Variants in KIRREL3 observed in about 807,000 individuals in gnomAD.
KIRREL3 encodes kirre like nephrin family adhesion molecule 3.
Under a neutral mutation model 89.7 loss-of-function variants are expected in KIRREL3, and 36 were observed. That is an observed-to-expected ratio of 0.40 (90% CI 0.31 to 0.53). The LOEUF is 0.53. KIRREL3 is among the 20% of genes least tolerant of loss of function. The pLI is 0.49. For synonymous variants in KIRREL3, 445 were observed against 441.4 expected, an observed-to-expected ratio of 1.01 and a Z score of -0.10; for missense variants, 864 against 1,056.6, an observed-to-expected ratio of 0.82 and a Z score of 2.53.
chr11:126,559,997 A>G (rs935157233), intron 2 of KIRREL3, among the ~76,000 whole-genome samples: 3 of 152,054 alleles, frequency 2.0e-5, no homozygotes, highest in Non-Finnish European at 4.4e-5. Context: ...TCTTATTTTT[A>G]TAGCTCCAGT....
In KIRREL3 at chr11:126,955,220, A is replaced by G. The variant is rs1160554359; in HGVS notation, c.55+45235T>C. ...TGGTAATGAAGGAGATGGCAAAGTG[A>G]AAAGCAAGTTGCTTTAACCCTGAAA... is the stretch of plus-strand genomic sequence containing the variant. On this transcript the variant is annotated intron_variant, in intron 1 of 16. Transcript: ENST00000525144. This position sits in a 1 kb window ranked among gnomAD's most constrained non-coding sequence, Gnocchi z 4.6. Among the ~76,000 whole-genome samples the G allele has an allele frequency of 1.3e-5, 2 of 152,224 alleles. No individual in the cohort carries two copies. Among genetic ancestry groups the G allele is most frequent in the Non-Finnish European group, 2.9e-5 (2 of 68,042 alleles).
At position 126,805,663 on chromosome 11, in the gene KIRREL3, G is replaced by A. The variant is rs1160871403; in HGVS notation, c.55+194792C>T. On this transcript the variant is annotated intron_variant, in intron 1 of 16. Transcript: ENST00000525144. This position sits in a 1 kb window ranked among gnomAD's most constrained non-coding sequence, Gnocchi z 4.3. The stretch of plus-strand genomic sequence containing the variant: ...TGATTGCTAAACTCCACAGTACAAA[G>A]TATGTAATAGATATTACGTTTTTAT... Among the ~76,000 whole-genome samples the A allele has an allele frequency of 2.0e-5, 3 of 152,254 alleles. No individual in the cohort carries two copies. Among genetic ancestry groups the A allele is most frequent in the Non-Finnish European group, 1.5e-5 (1 of 68,024 alleles).
chr11:126,718,354 GAACCC>G (rs1489405212), intron 1 of KIRREL3, among the ~76,000 whole-genome samples: 2 of 151,172 alleles, frequency 1.3e-5, no homozygotes, highest in East Asian at 3.9e-4. Context: ...GCAAGTTGCG[GAACCC>G]AACTCCAAGA....
intron 4 of KIRREL3, among the ~76,000 whole-genome samples, chr11:126,503,059 TC>T (rs1423176623): frequency 3.9e-5 from 6 of 152,190 alleles, no homozygotes; most frequent in Non-Finnish European, 2.9e-5. Flanking sequence ...TTCACCTGCC[TC>T]CCCTTGATTA....
chr11:126,719,619 G>T lies in KIRREL3; in HGVS notation c.56-156707C>A, dbSNP rs1236967100. ...CTTCACCACACAGCCCCTCCCGCTA[G>T]ATCCTGTCAAAATCATCCCTATCTC... is the stretch of plus-strand genomic sequence containing the variant. On this transcript the variant is annotated intron_variant, in intron 1 of 16. Coordinates refer to ENST00000525144, the MANE Select transcript of KIRREL3 (RefSeq NM_032531.4). The surrounding 1 kb of genome is among the most constrained non-coding windows in gnomAD (Gnocchi z 4.7). Among the ~76,000 whole-genome samples, 1 of 152,154 alleles carries T rather than the reference G, an allele frequency of 6.6e-6. No homozygotes were observed. Among genetic ancestry groups the T allele is most frequent in the Non-Finnish European group, 1.5e-5 (1 of 68,016 alleles).
chr11:126,469,161 A>G (rs1956812912), intron 5 of KIRREL3, among the ~76,000 whole-genome samples: 1 of 152,242 alleles, frequency 6.6e-6, no homozygotes, highest in African/African-American at 2.4e-5. Flanking sequence ...GAGGTCACGC[A>G]GCTGGAAGGT....
Position 126,719,577 on chromosome 11 carries a change from C to T in KIRREL3, c.56-156665G>A, listed in dbSNP as rs1361900452. Among the ~76,000 whole-genome samples the T allele has an allele frequency of 6.6e-6, 1 of 152,158 alleles. No homozygotes were observed. The highest frequency in any genetic ancestry group is 2.4e-5 in the African/African-American group (1 of 41,420). ...CTTAGGTTTCTAAAATGTAACTCAT[C>T]CACAGCCAACTCCTGCCTTCACCAC... is the stretch of plus-strand genomic sequence containing the variant. On this transcript the variant is annotated intron_variant, in intron 1 of 16. Coordinates refer to ENST00000525144, the MANE Select transcript of KIRREL3 (RefSeq NM_032531.4). This position sits in a 1 kb window ranked among gnomAD's most constrained non-coding sequence, Gnocchi z 4.7.
At chr11:126,915,648 T>C (rs1471097342) in intron 1 of KIRREL3, among the ~76,000 whole-genome samples, 1 of 152,214 alleles carries the variant, frequency 6.6e-6, no homozygotes, top group Non-Finnish European at 1.5e-5. Flanking sequence ...AGCACTAAAG[T>C]ACCACTCATC....
In KIRREL3 at chr11:126,677,525, G is replaced by A. The variant is rs1337191655; in HGVS notation, c.56-114613C>T. Among the ~76,000 whole-genome samples the A allele has an allele frequency of 6.6e-6, 1 of 152,162 alleles. No homozygotes were observed. The highest frequency in any genetic ancestry group is 2.4e-5 in the African/African-American group (1 of 41,430). ...TTAGTTGAGAGTGCTGAGGTTCGGA[G>A]GTGAAATGACTTGTCAGAGGCCCCA... On this transcript the variant is annotated intron_variant, in intron 1 of 16. Coordinates refer to ENST00000525144, the MANE Select transcript of KIRREL3 (RefSeq NM_032531.4). The surrounding 1 kb of genome is among the most constrained non-coding windows in gnomAD (Gnocchi z 5.1).
At chr11:126,632,151 A>G (rs1944053167) in intron 1 of KIRREL3, among the ~76,000 whole-genome samples, 1 of 152,272 alleles carries the variant, frequency 6.6e-6, no homozygotes, top group African/African-American at 2.4e-5. Context: ...ATAAGTTCCC[A>G]GGTCAGGTTG....
intron 1 of KIRREL3, among the ~76,000 whole-genome samples, chr11:126,567,401 T>A (rs1387256355): frequency 6.6e-6 from 1 of 152,220 alleles, no homozygotes; most frequent in Non-Finnish European, 1.5e-5. Flanking sequence ...CCAACTCTAC[T>A]GACTTTGGAC....
At chr11:126,968,035 C>G (rs963206910) in intron 1 of KIRREL3, among the ~76,000 whole-genome samples, 1 of 152,168 alleles carries the variant, frequency 6.6e-6, no homozygotes, top group African/African-American at 2.4e-5. Flanking sequence ...CTTGCTTCCC[C>G]CAAAGAAACT....
rs1347149865 is a variant in KIRREL3, at chr11:126,562,839, A to T, written c.129T>A (p.Asn43Lys). The change falls in exon 2 of 17, where the codon AAT (asparagine) becomes AAA (lysine). Residue 43 changes from asparagine to lysine, a missense_variant. By Grantham distance (94) the Asn-to-Lys change is moderately conservative (BLOSUM62 0). Coordinates refer to ENST00000525144, the MANE Select transcript of KIRREL3 (RefSeq NM_032531.4). The surrounding 1 kb of genome is among the most constrained non-coding windows in gnomAD (Gnocchi z 4.7). The stretch of plus-strand genomic sequence containing the variant: ...AATGGGGAGGTTCTCACTGACCTTC[A>T]TTCATTCTCCGAAACTTGTCCTTGG... ...YMAKDKFRRM[N>K]EGQVYSFSQQ... 1 of 1,613,332 alleles carries T rather than the reference A, an allele frequency of 6.2e-7. No homozygotes were observed. Among genetic ancestry groups the T allele is most frequent in the South Asian group, 1.1e-5 (1 of 91,034 alleles).
At position 126,440,504 on chromosome 11, in the gene KIRREL3, C is replaced by A. The variant is rs1206247813; in HGVS notation, c.1298G>T (p.Gly433Val). ...SSTQTQHALH[G>V]EKGQIKCFIR... ...GAAGCACTTGATCTGGCCCTTCTCG[C>A]CGTGGAGGGCGTGCTGGGTCTGGGT... The change falls in exon 11 of 17, where the codon GGC becomes GTC. Residue 433 changes from glycine (G) to valine (V), a missense_variant. Coordinates refer to ENST00000525144, the MANE Select transcript of KIRREL3 (RefSeq NM_032531.4). The A allele has an allele frequency of 6.2e-7, 1 of 1,601,936 alleles. No homozygotes were observed. Among genetic ancestry groups the A allele is most frequent in the Non-Finnish European group, 8.5e-7 (1 of 1,174,800 alleles).
In KIRREL3 at chr11:126,655,861, C is replaced by T. The variant is rs186012709; in HGVS notation, c.56-92949G>A. ...CAGGGCAGCAACAGTCAGTTCTTGT[C>T]TGGCTTTCCAGGACAACGTGACTTT... On this transcript the variant is annotated intron_variant, in intron 1 of 16. Transcript: ENST00000525144. This position sits in a 1 kb window ranked among gnomAD's most constrained non-coding sequence, Gnocchi z 5.0. Among the ~76,000 whole-genome samples, 88 of 152,226 alleles carry T rather than the reference C, an allele frequency of 5.8e-4. No homozygotes were observed. Among genetic ancestry groups the T allele is most frequent in the Non-Finnish European group, 2.1e-4 (14 of 68,018 alleles).
chr11:126,429,217 G>T lies in KIRREL3; in HGVS notation c.1768C>A (p.Arg590=). 1 of 1,613,840 alleles carries T rather than the reference G, an allele frequency of 6.2e-7. No individual in the cohort carries two copies. Among genetic ancestry groups the T allele is most frequent in the South Asian group, 1.1e-5 (1 of 91,052 alleles). ...ATGGTGGAGTGCTCCTCACCCTCCCGACCAGAGGCTGGTTCCTTGTGGACA... is the reference window on the plus strand; with the variant it reads ...ATGGTGGAGTGCTCCTCACCCTCCCTACCAGAGGCTGGTTCCTTGTGGACA... The part of the protein sequence containing the change: ...EIVHKEPASG[R]EGEEHSTIKQ... The change falls in exon 15 of 17, where the codon CGG becomes AGG. Residue 590 remains arginine, a synonymous_variant. Coordinates refer to ENST00000525144, the MANE Select transcript of KIRREL3 (RefSeq NM_032531.4). This position sits in a 1 kb window ranked among gnomAD's most constrained non-coding sequence, Gnocchi z 5.2.
At chr11:126,988,448 A>G (rs1949934063) in intron 1 of KIRREL3, 1 of 152,778 alleles carries the variant, frequency 6.5e-6, no homozygotes, top group African/African-American at 2.4e-5. Flanking sequence ...TGGCTTGCTG[A>G]TGGTCACACG....
chr11:126,582,872 CT>C (rs1941631272), intron 1 of KIRREL3, among the ~76,000 whole-genome samples: 1 of 152,188 alleles, frequency 6.6e-6, no homozygotes, highest in Admixed American at 6.5e-5. Context: ...AAGTATTATC[CT>C]TAATTATCTG....
At position 126,611,792 on chromosome 11, in the gene KIRREL3, G is replaced by A. The variant is rs1943141261; in HGVS notation, c.56-48880C>T. Among the ~76,000 whole-genome samples the A allele has an allele frequency of 6.6e-6, 1 of 152,188 alleles. No homozygotes were observed. Among genetic ancestry groups the A allele is most frequent in the African/African-American group, 2.4e-5 (1 of 41,440 alleles). On this transcript the variant is annotated intron_variant, in intron 1 of 16. Coordinates refer to ENST00000525144, the MANE Select transcript of KIRREL3 (RefSeq NM_032531.4). The surrounding 1 kb of genome is among the most constrained non-coding windows in gnomAD (Gnocchi z 4.7). ...CCTCTGTGATCCACAGCCCCGCCAG[G>A]CTGATGCTTCAGGAATGGATCACAC...
Sources: gnomAD v4.1 joint callset for allele counts (sites outside exome capture counted in the v4.1 genomes callset) on GRCh38, gnomAD v4.1.1 for gene constraint, Gnocchi (gnomAD v3.1) non-coding constraint, MANE v1.5 for transcripts, NCBI Gene and HGNC (gene_info 2026-07-23, HGNC 2026-07-21) for gene names.